Variants in CDH13 observed in about 807,000 individuals in gnomAD.
The protein encoded by CDH13 is cadherin-13.
CDH13 carries 24 observed loss-of-function variants against 63.8 expected under a neutral mutation model. That is an observed-to-expected ratio of 0.38 (90% CI 0.27 to 0.53). The LOEUF is 0.53. Among genes scored for constraint, CDH13 ranks in the 20% least tolerant of loss-of-function variants. The probability of loss-of-function intolerance (pLI) is 0.85; values close to 1 mark genes in which losing one functional copy is unlikely to be tolerated. For missense variants in CDH13, 1,049 were observed against 903.1 expected, an observed-to-expected ratio of 1.16 and a Z score of -2.07; for synonymous variants, 503 against 355.3, an observed-to-expected ratio of 1.42 and a Z score of -4.67.
intron 6 of CDH13, among the ~76,000 whole-genome samples, chr16:83,377,439 C>T (rs2091479652): frequency 6.6e-6 from 1 of 152,158 alleles, no homozygotes; most frequent in East Asian, 1.9e-4. Flanking sequence ...GTTATAGTTT[C>T]CCTTCCTCCT....
intron 4 of CDH13, among the ~76,000 whole-genome samples, chr16:83,215,125 A>G (rs967580067): frequency 3.4e-5 from 4 of 115,982 alleles, no homozygotes; most frequent in African/African-American, 6.9e-5. Flanking sequence ...CACTCAGGCT[A>G]GAGTGCAGTG....
chr16:82,877,732 C>T (rs1379328246), intron 2 of CDH13, among the ~76,000 whole-genome samples: 1 of 152,002 alleles, frequency 6.6e-6, no homozygotes, highest in Non-Finnish European at 1.5e-5. Flanking sequence ...AACTCCTTTC[C>T]AGTCTGAAGA....
intron 4 of CDH13, among the ~76,000 whole-genome samples, chr16:83,169,118 A>G (rs1005943252): frequency 2.6e-5 from 4 of 152,096 alleles, no homozygotes; most frequent in African/African-American, 9.7e-5. Flanking sequence ...ACTATGGTAT[A>G]TGACATCTAT....
At chr16:83,791,735 CAGGA>C (rs1473089623) in intron 13 of CDH13, among the ~76,000 whole-genome samples, 4 of 149,470 alleles carry the variant, frequency 2.7e-5, no homozygotes, top group Non-Finnish European at 5.9e-5. Context: ...CGCTTGAACC[CAGGA>C]GTTGGAGGTT....
intron 6 of CDH13, among the ~76,000 whole-genome samples, chr16:83,457,106 G>A (rs1020839053): frequency 2.6e-5 from 4 of 152,190 alleles, no homozygotes; most frequent in Admixed American, 2.0e-4. Context: ...TGGAGTCCAA[G>A]CCAAAACACC....
intron 7 of CDH13, among the ~76,000 whole-genome samples, chr16:83,596,973 A>G (rs1405841271): frequency 1.3e-5 from 2 of 152,190 alleles, no homozygotes; most frequent in African/African-American, 4.8e-5. Context: ...CTATAATCTC[A>G]GCACTTGGGG....
intron 1 of CDH13, among the ~76,000 whole-genome samples, chr16:82,771,592 A>G (rs2035268478): frequency 6.6e-6 from 1 of 152,210 alleles, no homozygotes; most frequent in South Asian, 2.1e-4. Flanking sequence ...GAGTTTCAGT[A>G]ACTTTCCCCA....
intron 1 of CDH13, among the ~76,000 whole-genome samples, chr16:82,802,193 C>T (rs1041253969): frequency 1.1e-4 from 16 of 152,156 alleles, no homozygotes; most frequent in African/African-American, 3.9e-4. Flanking sequence ...GCCAAGCATG[C>T]TCCAGTGGCC....
chr16:83,322,638 CA>C (rs994356721), intron 5 of CDH13, among the ~76,000 whole-genome samples: 20 of 152,208 alleles, frequency 1.3e-4, no homozygotes, highest in African/African-American at 3.6e-4. Flanking sequence ...CTGCAGTGAG[CA>C]GGGGGTGCCC....
At chr16:83,238,853 G>T (rs1904289216) in intron 5 of CDH13, among the ~76,000 whole-genome samples, 1 of 152,126 alleles carries the variant, frequency 6.6e-6, no homozygotes, top group Non-Finnish European at 1.5e-5. Context: ...GTCTGGCATG[G>T]ACAAGGGCAA....
At chr16:82,966,480 G>T (rs1278299624) in intron 2 of CDH13, among the ~76,000 whole-genome samples, 1 of 152,152 alleles carries the variant, frequency 6.6e-6, no homozygotes, top group Admixed American at 6.5e-5. Flanking sequence ...GAAAACTGAG[G>T]CTCAGAGATG....
At chr16:82,877,054 C>T (rs1355467168) in intron 2 of CDH13, among the ~76,000 whole-genome samples, 1 of 152,140 alleles carries the variant, frequency 6.6e-6, no homozygotes, top group Non-Finnish European at 1.5e-5. Context: ...GAACTCACTT[C>T]CATAAGGGCA....
chr16:83,265,354 C>T (rs1907483543), intron 5 of CDH13, among the ~76,000 whole-genome samples: 3 of 152,092 alleles, frequency 2.0e-5, no homozygotes, highest in Admixed American at 2.0e-4. Context: ...CCTGAAAATC[C>T]TTTTTCTACT....
chr16:82,695,180 C>T (rs368870575), intron 1 of CDH13, among the ~76,000 whole-genome samples: 1 of 152,124 alleles, frequency 6.6e-6, no homozygotes, highest in Non-Finnish European at 1.5e-5. Context: ...CCTTGTCAAC[C>T]TAGCTGCTTT....
intron 1 of CDH13, among the ~76,000 whole-genome samples, chr16:82,775,918 G>C (rs2035474919): frequency 6.6e-6 from 1 of 152,132 alleles, no homozygotes; most frequent in Non-Finnish European, 1.5e-5. Context: ...AGTAAGAAAG[G>C]GCACTATCAG....
At chr16:83,296,642 CAT>C (rs1169075630) in intron 5 of CDH13, among the ~76,000 whole-genome samples, 3 of 152,244 alleles carry the variant, frequency 2.0e-5, no homozygotes, top group African/African-American at 7.2e-5. Context: ...CACACACACA[CAT>C]AAGTGGATCT....
intron 1 of CDH13, among the ~76,000 whole-genome samples, chr16:82,814,474 T>C (rs961490259): frequency 6.6e-6 from 1 of 152,128 alleles, no homozygotes; most frequent in African/African-American, 2.4e-5. Flanking sequence ...ATCGTGCCTA[T>C]GTAACAAAGC....
intron 2 of CDH13, among the ~76,000 whole-genome samples, chr16:82,861,341 T>A (rs1434100433): frequency 2.6e-5 from 4 of 152,164 alleles, no homozygotes; most frequent in African/African-American, 4.8e-5. Context: ...TTGCAGGGGG[T>A]GTAAACACAG....
At chr16:83,512,321 A>AAAATAAATAAATAAATAAATAAAT in intron 7 of CDH13, among the ~76,000 whole-genome samples, 1 of 126,888 alleles carries the variant, frequency 7.9e-6, no homozygotes, top group South Asian at 2.8e-4. Context: ...ACTCCGTCTC[A>AAAATAAATAAATAAATAAATAAAT]AAATAAATAA....
Sources: allele counts gnomAD v4.1 joint callset (sites outside exome capture counted in the v4.1 genomes callset), GRCh38; gene constraint gnomAD v4.1.1; transcripts MANE v1.5; gene names NCBI Gene and HGNC (gene_info 2026-07-23, HGNC 2026-07-21).